The following CERT1 variants were observed in gnomAD, a reference collection of about 807,000 sequenced individuals.
CERT1 encodes ceramide transporter 1, also known as ceramide transfer protein.
Under a neutral mutation model 87.9 loss-of-function variants are expected in CERT1, and 31 were observed. That is an observed-to-expected ratio of 0.35 (90% CI 0.27 to 0.48). The LOEUF (loss-of-function observed/expected upper bound fraction) is 0.48, where lower values mean the gene tolerates loss of function less well. Among genes scored for constraint, CERT1 ranks in the 20% least tolerant of loss-of-function variants. The probability of loss-of-function intolerance (pLI) is 0.99; values close to 1 mark genes in which losing one functional copy is unlikely to be tolerated. For synonymous variants in CERT1, 289 were observed against 250.9 expected (o/e 1.15, Z -1.44); for missense variants, 487 against 758.0 (o/e 0.64, Z 4.20).
intron 2 of CERT1, among the ~76,000 whole-genome samples, chr5:75,487,909 T>G (rs1241703890): frequency 6.6e-6 from 1 of 151,984 alleles, no homozygotes; most frequent in East Asian, 1.9e-4. Flanking sequence ...TCAAATAACA[T>G]GGATGGAACT....
intron 3 of CERT1, among the ~76,000 whole-genome samples, chr5:75,454,777 G>T (rs570621732): frequency 7.4e-4 from 113 of 152,304 alleles, no homozygotes; most frequent in Non-Finnish European, 1.2e-3. Context: ...AATTGGAAAG[G>T]TGAAAAAACT....
At chr5:75,487,330 T>A (rs1168658438) in intron 2 of CERT1, among the ~76,000 whole-genome samples, 2 of 152,078 alleles carry the variant, frequency 1.3e-5, no homozygotes, top group South Asian at 4.1e-4. Flanking sequence ...TAAAATCATA[T>A]CAAATGGATT....
intron 2 of CERT1, among the ~76,000 whole-genome samples, chr5:75,492,101 C>T (rs557569038): frequency 6.6e-6 from 1 of 152,086 alleles, no homozygotes; most frequent in East Asian, 1.9e-4. Context: ...CCCAGCTGTT[C>T]GAGAGGCCAA....
intron 3 of CERT1, among the ~76,000 whole-genome samples, chr5:75,443,200 T>C (rs1004069297): frequency 6.6e-6 from 1 of 152,316 alleles, no homozygotes; most frequent in African/African-American, 2.4e-5. Context: ...ATTGTTTTTC[T>C]ATTCTCGTTT....
chr5:75,480,559 T>C (rs897557139), intron 2 of CERT1, among the ~76,000 whole-genome samples: 5 of 152,244 alleles, frequency 3.3e-5, no homozygotes, highest in African/African-American at 1.2e-4. Flanking sequence ...CGCATACGTG[T>C]GCATGCATAC....
intron 2 of CERT1, among the ~76,000 whole-genome samples, chr5:75,484,442 GAC>G (rs1157494047): frequency 1.3e-5 from 2 of 148,616 alleles, no homozygotes; most frequent in African/African-American, 5.0e-5. Context: ...CCAATCAAAA[GAC>G]AGAGTGACTG....
chr5:75,404,566 A>G (rs1762631397), intron 8 of CERT1, among the ~76,000 whole-genome samples: 1 of 152,180 alleles, frequency 6.6e-6, no homozygotes, highest in Non-Finnish European at 1.5e-5. Flanking sequence ...ACTCAAGCAT[A>G]TTTTCTAATG....
At chr5:75,503,715 A>G (rs776966486) in intron 2 of CERT1, among the ~76,000 whole-genome samples, 3 of 151,748 alleles carry the variant, frequency 2.0e-5, no homozygotes, top group Non-Finnish European at 4.4e-5. Context: ...GTTCCTACGC[A>G]TGTCTTTTAC....
downstream of CERT1, chr5:75,375,999 A>G (rs1008578282): frequency 6.6e-6 from 1 of 152,174 alleles, no homozygotes; most frequent in Non-Finnish European, 1.5e-5. Flanking sequence ...ATCTTTGCAC[A>G]CATATACATG....
At chr5:75,425,680 G>C (rs1379045102) in intron 4 of CERT1, among the ~76,000 whole-genome samples, 181 bp from the exon 5 acceptor site, 1 of 152,152 alleles carries the variant, frequency 6.6e-6, no homozygotes, top group African/African-American at 2.4e-5. Flanking sequence ...GAATCTATTG[G>C]CTTGATAGCG....
chr5:75,371,690 C>CA (rs1454779457), intron 17 of CERT1: 1 of 152,156 alleles, frequency 6.6e-6, no homozygotes, highest in African/African-American at 2.4e-5. Context: ...CAGTCAGGGA[C>CA]AAAATCCCCA....
rs940367426 is a variant in CERT1 at position 75,426,541 on chromosome 5, G to A, written c.349-63C>T. 4.2e-6 allele frequency: 5 copies of A among 1,196,962 alleles called. No homozygotes were observed. In the South Asian group the frequency reaches 6.6e-5, roughly 16 times the overall value. 74.1% of individuals were successfully genotyped at this position (1,196,962 alleles called of 1,614,324 possible). A position where few individuals can be genotyped will look rare whatever the true frequency, so the allele number is the denominator to read the frequency against. ...TAAAAAATACTTGAGAAAACAAAAG[G>A]TTTCCTATGAATTAACAAGGTTATT... is the stretch of plus-strand genomic sequence containing the variant. On this transcript the variant is annotated intron_variant, in intron 3 of 16. Transcript: ENST00000643780.
At chr5:75,418,080 C>T (rs151021018) in intron 6 of CERT1, among the ~76,000 whole-genome samples, 62 of 152,230 alleles carry the variant, frequency 4.1e-4, no homozygotes, top group African/African-American at 8.7e-4. Context: ...CACTTGAAAC[C>T]GGGAGGTGGA....
At chr5:75,384,770 CACTTA>C in intron 13 of CERT1, 58 bp from the exon 14 acceptor site, 1 of 1,143,616 alleles carries the variant, frequency 8.7e-7, no homozygotes, top group Non-Finnish European at 1.3e-6. Flanking sequence ...GTGATCAATT[CACTTA>C]TGTTGAAAGT....
intron 12 of CERT1, among the ~76,000 whole-genome samples, chr5:75,389,213 G>C (rs1037932710): frequency 6.6e-6 from 1 of 152,018 alleles, no homozygotes; most frequent in African/African-American, 2.4e-5. Flanking sequence ...CAAAAAGGGA[G>C]AGAAACAAAG....
At chr5:75,497,213 T>A (rs985888576) in intron 2 of CERT1, among the ~76,000 whole-genome samples, 2 of 152,218 alleles carry the variant, frequency 1.3e-5, no homozygotes, top group African/African-American at 4.8e-5. Context: ...ACTGCATCTT[T>A]GTCCCCCTTT....
chr5:75,383,268 A>G (rs1293285145), intron 14 of CERT1, among the ~76,000 whole-genome samples: 1 of 152,146 alleles, frequency 6.6e-6, no homozygotes, highest in Non-Finnish European at 1.5e-5. Context: ...TTGGCAAATA[A>G]TTATAACTGT....
chr5:75,457,801 C>T (rs1765050987), intron 3 of CERT1, among the ~76,000 whole-genome samples: 1 of 147,550 alleles, frequency 6.8e-6, no homozygotes, highest in African/African-American at 2.5e-5. Flanking sequence ...GTTAAAAATA[C>T]CCAAAACAGT....
At chr5:75,398,551 A>G (rs918908077) in intron 11 of CERT1, among the ~76,000 whole-genome samples, 5 of 152,150 alleles carry the variant, frequency 3.3e-5, no homozygotes, top group African/African-American at 1.2e-4. Flanking sequence ...AGTCCAATAA[A>G]ATGCAATCAC....
Sources: allele counts gnomAD v4.1 joint callset (sites outside exome capture counted in the v4.1 genomes callset), GRCh38; gene constraint gnomAD v4.1.1; transcripts MANE v1.5; gene names NCBI Gene and HGNC (gene_info 2026-07-23, HGNC 2026-07-21).